Variants in BCL2L12 observed in about 807,000 individuals in gnomAD.
BCL2L12 encodes the protein BCL2 like 12.
BCL2L12 carries 27 observed loss-of-function variants against 25.7 expected under a neutral mutation model. The ratio of observed to expected loss-of-function variants is 1.05; its 90% confidence interval spans 0.78 to 1.45. The LOEUF (loss-of-function observed/expected upper bound fraction) is 1.45, where lower values mean the gene tolerates loss of function less well. Ranked by LOEUF, BCL2L12 falls within the 40% of genes most tolerant of loss-of-function variation. The pLI is 0.00. For missense variants in BCL2L12, 302 were observed against 329.8 expected (o/e 0.92, Z 0.65); for synonymous variants, 132 against 145.6 (o/e 0.91, Z 0.67).
chr19:49,673,669 C>T (rs778638821), intron 6 of BCL2L12, 29 bp from the exon 7 acceptor site: 45 of 1,585,402 alleles, frequency 2.8e-5, no homozygotes, highest in Non-Finnish European at 3.7e-5. Context: ...CTGCCCTGCT[C>T]ACAGGGCTCT....
intron 3 of BCL2L12, 49 bp from the exon 4 acceptor site, chr19:49,668,802 G>T (rs180737984): frequency 6.5e-7 from 1 of 1,539,360 alleles, no homozygotes; most frequent in Non-Finnish European, 8.9e-7. Flanking sequence ...GAGAGAATCC[G>T]TAAGTTTCCA....
At chr19:49,669,240 C>T in intron 5 of BCL2L12, 125 bp downstream of exon 5, 1 of 1,485,120 alleles carries the variant, frequency 6.7e-7, no homozygotes, top group African/African-American at 1.4e-5. Context: ...GACAAGGTTT[C>T]AATGAAGGGT....
chr19:49,665,889 C>T, upstream of BCL2L12: 1 of 1,612,708 alleles, frequency 6.2e-7, no homozygotes, highest in Non-Finnish European at 8.5e-7. Flanking sequence ...CAGAGGCATG[C>T]TGGGAGCGTC....
intron 1 of BCL2L12, among the ~76,000 whole-genome samples, chr19:49,666,470 C>T (rs898328144): frequency 2.0e-5 from 3 of 152,162 alleles, no homozygotes; most frequent in Admixed American, 2.0e-4. Flanking sequence ...AATCTGGGCA[C>T]CCAGCCCCAC....
Position 49,673,888 on chromosome 19 carries a change from A to C in BCL2L12, c.*140A>C. ...TTTTGCCAAAAATAAATTGTTTAAA[A>C]CTTTTCTTATTAAAAACGTTACAAA... On this transcript the variant is annotated 3_prime_UTR_variant, in exon 7 of 7. Coordinates refer to ENST00000246784, the MANE Select transcript of BCL2L12 (RefSeq NM_138639.2). 1.1e-6 allele frequency: 1 copy of C among 903,260 alleles called. No homozygotes were observed. The highest frequency in any genetic ancestry group is 1.7e-6 in the Non-Finnish European group (1 of 603,250). The allele number at this position is 903,260 out of a possible 1,614,324, so 56.0% of individuals were successfully genotyped here. A position where few individuals can be genotyped will look rare whatever the true frequency, so the allele number is the denominator to read the frequency against.
chr19:49,673,768 T>C lies in BCL2L12; in HGVS notation c.*20T>C. ...GACTGAGCTCTTTCTCAGAAGCTGC[T>C]ACAAGATGACACCTCATGTCCCTGC... On this transcript the variant is annotated 3_prime_UTR_variant, in exon 7 of 7. Coordinates refer to ENST00000246784, the MANE Select transcript of BCL2L12 (RefSeq NM_138639.2). The C allele has an allele frequency of 6.2e-7, 1 of 1,614,010 alleles. No homozygotes were observed. The highest frequency in any genetic ancestry group is 8.5e-7 in the Non-Finnish European group (1 of 1,179,848).
Position 49,666,744 on chromosome 19 carries a change from G to A in BCL2L12, c.52G>A (p.Ala18Thr), listed in dbSNP as rs1480685684. ...CCGGGAAGACACGCTGAGGGTCCTA[G>A]CTGCCTTCCTTAGGCGTGGTGAGGC... ...GLREDTLRVLAAFLRRGEAAG... is the reference protein window; with the variant it reads ...GLREDTLRVLTAFLRRGEAAG... Residue 18 changes from alanine (A) to threonine (T), a missense_variant, in exon 2 of 7, where the codon GCT (alanine) becomes ACT (threonine). By Grantham distance (58) the Ala-to-Thr change is moderately conservative (BLOSUM62 0). Transcript: ENST00000246784. 1.9e-6 allele frequency: 3 copies of A among 1,559,880 alleles called. No homozygotes were observed. The highest frequency in any genetic ancestry group is 2.6e-6 in the Non-Finnish European group (3 of 1,151,282).
intron 2 of BCL2L12, 94 bp downstream of exon 2, chr19:49,666,893 C>T (rs2098889210): frequency 1.3e-5 from 19 of 1,515,670 alleles, no homozygotes; most frequent in Non-Finnish European, 1.6e-5. Context: ...CTCTTTATAT[C>T]TGGCTCTATT....
At chr19:49,665,792 T>C (rs780341342), upstream of BCL2L12, 4 of 1,566,324 alleles carry the variant, frequency 2.6e-6, no homozygotes, top group East Asian at 2.3e-5. Flanking sequence ...AAACCAACTT[T>C]ATCATTCTTT....
In BCL2L12 at chr19:49,665,986, G is replaced by A. The variant is rs768185508; in HGVS notation, c.-90G>A. 3.7e-6 allele frequency: 6 copies of A among 1,609,270 alleles called. No individual in the cohort carries two copies. The highest frequency in any genetic ancestry group is 5.1e-6 in the Non-Finnish European group (6 of 1,177,520). On this transcript the variant is annotated 5_prime_UTR_variant, in exon 1 of 7. Transcript: ENST00000246784. ...CGGCCCAGTGCGCAGGCGCGGGAAA[G>A]TTGAACTAATAAAGTTTGTACGAGT...
chr19:49,668,085 T>C (rs1021688388), intron 3 of BCL2L12, among the ~76,000 whole-genome samples: 13 of 149,390 alleles, frequency 8.7e-5, no homozygotes, highest in African/African-American at 2.7e-4. Context: ...CTGTCAGCTC[T>C]GACATTCTTT....
chr19:49,673,658 C>T, intron 6 of BCL2L12, 40 bp from the exon 7 acceptor site: 2 of 1,529,974 alleles, frequency 1.3e-6, no homozygotes, highest in South Asian at 2.2e-5. Flanking sequence ...GGGGGGAACA[C>T]CTGCCCTGCT....
At chr19:49,670,178 G>C (rs779675983) in intron 5 of BCL2L12, 38 bp from the exon 6 acceptor site, 1 of 1,585,934 alleles carries the variant, frequency 6.3e-7, no homozygotes, top group Admixed American at 1.8e-5. Context: ...GGCCCCGGGG[G>C]CGCTGCTGAC....
At chr19:49,666,992 G>A in intron 2 of BCL2L12, 27 bp from the exon 3 acceptor site, 3 of 1,609,660 alleles carry the variant, frequency 1.9e-6, no homozygotes, top group Non-Finnish European at 2.5e-6. Context: ...CTCTGGTGGG[G>A]TCAGTCTCTG....
At chr19:49,673,584 C>T (rs907341084) in intron 6 of BCL2L12, 114 bp from the exon 7 acceptor site, 2 of 883,660 alleles carry the variant, frequency 2.3e-6, no homozygotes, top group Non-Finnish European at 3.8e-6. Context: ...CTGTCACCCT[C>T]CGCTCTCTGG....
Position 49,672,453 on chromosome 19 carries a change from A to G in BCL2L12, c.703-1245A>G, listed in dbSNP as rs2081979601. Among the ~76,000 whole-genome samples the G allele has an allele frequency of 1.3e-5, 2 of 152,344 alleles. No individual in the cohort carries two copies. The highest frequency in any genetic ancestry group is 6.5e-5 in the Admixed American group (1 of 15,302). On this transcript the variant is annotated intron_variant, in intron 6 of 6. Transcript: ENST00000246784. This position sits in a 1 kb window ranked among gnomAD's most constrained non-coding sequence, Gnocchi z 4.1. ...ACAACTCGGACTTTGACTCTGGGTAAGCCAAGGTCTCTGAGCAGCGGAGGG... is the reference window on the plus strand; with the variant it reads ...ACAACTCGGACTTTGACTCTGGGTAGGCCAAGGTCTCTGAGCAGCGGAGGG...
At chr19:49,668,493 A>T (rs1296614660) in intron 3 of BCL2L12, among the ~76,000 whole-genome samples, 2 of 152,022 alleles carry the variant, frequency 1.3e-5, no homozygotes, top group Non-Finnish European at 1.5e-5. Context: ...ACTGGGCCTC[A>T]GTTTACCCCA....
At chr19:49,669,273 C>T (rs934094510) in intron 5 of BCL2L12, 158 bp downstream of exon 5, 57 of 1,391,546 alleles carry the variant, frequency 4.1e-5, no homozygotes, top group African/African-American at 1.0e-4. Flanking sequence ...TGGTGGCTCA[C>T]GCCTGTAATC....
At position 49,673,840 on chromosome 19, in the gene BCL2L12, G is replaced by T. The variant is rs2082009251; in HGVS notation, c.*92G>T. On this transcript the variant is annotated 3_prime_UTR_variant, in exon 7 of 7. Transcript: ENST00000246784. ...GTCTTCCTATTCCACTCAGGGCTGTGGGGTGGTGGTTGCCCTACCTGTTTT... is the reference window on the plus strand; with the variant it reads ...GTCTTCCTATTCCACTCAGGGCTGTTGGGTGGTGGTTGCCCTACCTGTTTT... The T allele has an allele frequency of 2.0e-6, 3 of 1,469,742 alleles. No homozygotes were observed. Among genetic ancestry groups the T allele is most frequent in the East Asian group, 4.6e-5 (2 of 43,058 alleles). 91.0% of individuals were successfully genotyped at this position (1,469,742 alleles called of 1,614,324 possible). A position where few individuals can be genotyped will look rare whatever the true frequency, so the allele number is the denominator to read the frequency against.
Sources: allele counts gnomAD v4.1 joint callset (sites outside exome capture counted in the v4.1 genomes callset), GRCh38; gene constraint gnomAD v4.1.1; non-coding constraint Gnocchi (gnomAD v3.1); transcripts MANE v1.5; gene names NCBI Gene and HGNC (gene_info 2026-07-23, HGNC 2026-07-21).